Variants in PCGF6 observed in about 807,000 individuals in gnomAD.
The protein encoded by PCGF6 is polycomb group RING finger protein 6.
PCGF6 carries 24 observed loss-of-function variants against 45.5 expected under a neutral mutation model. The observed-to-expected ratio is 0.53, with a 90% CI of 0.38 to 0.74. PCGF6 has a LOEUF of 0.74. PCGF6 is among the 30% of genes least tolerant of loss of function. The pLI is 0.00. For synonymous variants in PCGF6, 152 were observed against 162.1 expected, an observed-to-expected ratio of 0.94 and a Z score of 0.47; for missense variants, 356 against 443.2, an observed-to-expected ratio of 0.80 and a Z score of 1.77.
At chr10:103,327,611 T>C (rs1477904676) in intron 7 of PCGF6, among the ~76,000 whole-genome samples, 1 of 152,154 alleles carries the variant, frequency 6.6e-6, no homozygotes, top group African/African-American at 2.4e-5. Context: ...GAGTTCATTA[T>C]ACTATTCTGC....
chr10:103,332,568 A>C (rs74154321), intron 7 of PCGF6, among the ~76,000 whole-genome samples: 38 of 151,910 alleles, frequency 2.5e-4, no homozygotes, highest in African/African-American at 8.7e-4. Context: ...GAGCCAACGA[A>C]CCCGGCCTAA....
Position 103,303,913 on chromosome 10 carries a change from T to G in PCGF6, c.1045A>C (p.Ile349Leu). The G allele has an allele frequency of 6.2e-7, 1 of 1,612,592 alleles. No homozygotes were observed. The highest frequency in any genetic ancestry group is 1.7e-4 in the Middle Eastern group (1 of 6,056). The change falls in exon 10 of 10, where the codon ATA becomes CTA. Residue 349 changes from isoleucine (I) to leucine (L), a missense_variant. Physicochemically the swap from Ile to Leu is conservative, Grantham distance 5. This residue lies in a region of PCGF6 where 49 missense variants were observed against 93.0 expected (regional missense o/e 0.53). Coordinates refer to ENST00000369847, the MANE Select transcript of PCGF6 (RefSeq NM_001011663.2). ...HYGLVVSPLK[I>L]T ...TAATGTGCCTAGAATCTTCAAGTTA[T>G]CTTCAGAGGAGAAACCACAAGACCA...
Position 103,303,918 on chromosome 10 carries a change from A to G in PCGF6, c.1040T>C (p.Leu347Pro). Residue 347 changes from leucine (L) to proline (P), a missense_variant, in exon 10 of 10, where the codon CTG (leucine) becomes CCG (proline). This residue lies in a region of PCGF6 where 49 missense variants were observed against 93.0 expected (regional missense o/e 0.53). Transcript: ENST00000369847. The stretch of plus-strand genomic sequence containing the variant: ...TGCCTAGAATCTTCAAGTTATCTTC[A>G]GAGGAGAAACCACAAGACCATAATG... ...VLHYGLVVSP[L>P]KIT 1 of 1,613,356 alleles carries G rather than the reference A, an allele frequency of 6.2e-7. No individual in the cohort carries two copies. The highest frequency in any genetic ancestry group is 2.2e-5 in the East Asian group (1 of 44,868).
intron 7 of PCGF6, 93 bp downstream of exon 7, chr10:103,333,828 AACTT>A: frequency 2.5e-6 from 2 of 800,728 alleles, no homozygotes; most frequent in Non-Finnish European, 3.8e-6. Context: ...ATATTTAAAT[AACTT>A]ATTTATACAA....
chr10:103,342,686 C>T (rs1048797213), intron 6 of PCGF6, among the ~76,000 whole-genome samples: 2 of 152,280 alleles, frequency 1.3e-5, no homozygotes, highest in South Asian at 2.1e-4. Context: ...CCACTTAATA[C>T]ATCTTGGAGA....
intron 3 of PCGF6, 39 bp from the exon 4 acceptor site, chr10:103,347,489 G>A (rs1369229417): frequency 6.6e-7 from 1 of 1,517,250 alleles, no homozygotes; most frequent in Admixed American, 1.8e-5. Flanking sequence ...TCAGAATTCA[G>A]AAAAATGCAT....
chr10:103,345,251 A>C, intron 5 of PCGF6, 119 bp from the exon 6 acceptor site: 2 of 691,154 alleles, frequency 2.9e-6, no homozygotes, highest in Non-Finnish European at 4.7e-6. Context: ...TAAACCACTC[A>C]ATCTCCCTGT....
intron 8 of PCGF6, among the ~76,000 whole-genome samples, chr10:103,316,177 A>C (rs933938765): frequency 6.6e-6 from 1 of 152,062 alleles, no homozygotes; most frequent in Non-Finnish European, 1.5e-5. Context: ...CATGCAATCA[A>C]TTACAAAGTC....
chr10:103,322,470 T>C (rs1306534659), intron 8 of PCGF6, among the ~76,000 whole-genome samples: 1 of 151,480 alleles, frequency 6.6e-6, no homozygotes, highest in African/African-American at 2.4e-5. Context: ...CCTCCCAAAG[T>C]GCTGGGATTA....
chr10:103,342,860 A>G (rs2093285921), intron 6 of PCGF6, among the ~76,000 whole-genome samples: 2 of 152,282 alleles, frequency 1.3e-5, no homozygotes, highest in Admixed American at 6.5e-5. Context: ...AATTTTTCCA[A>G]AGGGATCTTT....
chr10:103,316,986 G>A (rs2093178288), intron 8 of PCGF6, among the ~76,000 whole-genome samples: 1 of 151,952 alleles, frequency 6.6e-6, no homozygotes, highest in Non-Finnish European at 1.5e-5. Flanking sequence ...AAAGAATTTG[G>A]TACCATCATT....
chr10:103,331,007 A>G (rs1015677828), intron 7 of PCGF6, among the ~76,000 whole-genome samples: 10 of 152,100 alleles, frequency 6.6e-5, no homozygotes, highest in African/African-American at 9.7e-5. Flanking sequence ...GACAACCACT[A>G]ATCTGCTTTC....
chr10:103,332,111 C>T (rs2093242263), intron 7 of PCGF6, among the ~76,000 whole-genome samples: 1 of 152,000 alleles, frequency 6.6e-6, no homozygotes, highest in Non-Finnish European at 1.5e-5. Flanking sequence ...TCTGTGTCCC[C>T]TGTATTTCTT....
At chr10:103,350,531 C>G (rs377577221) in intron 1 of PCGF6, among the ~76,000 whole-genome samples, 176 bp downstream of exon 1, 2 of 152,180 alleles carry the variant, frequency 1.3e-5, no homozygotes, top group Non-Finnish European at 2.9e-5. Flanking sequence ...CAGGCCGGGC[C>G]GGAGGCCTGT....
rs1474734269 is a variant in PCGF6, at chr10:103,343,292, C to T, written c.782+1732G>A. On this transcript the variant is annotated intron_variant, in intron 6 of 9. Transcript: ENST00000369847. Reference sequence around the variant, plus strand: ...ATACAAGGAGATAAATACAATAAAGCACACACTAGATAATAAATGATACAA... The same window carrying T: ...ATACAAGGAGATAAATACAATAAAGTACACACTAGATAATAAATGATACAA... 3.3e-5 allele frequency among the ~76,000 whole-genome samples: 5 copies of T among 151,482 alleles called. No individual in the cohort carries two copies. In the Admixed American group the frequency reaches 3.3e-4, roughly 10 times the overall value.
At chr10:103,343,165 T>C (rs1015904864) in intron 6 of PCGF6, among the ~76,000 whole-genome samples, 16 of 152,050 alleles carry the variant, frequency 1.1e-4, no homozygotes, top group African/African-American at 3.9e-4. Flanking sequence ...TCTGACCTCA[T>C]GATCCGCCCG....
intron 6 of PCGF6, among the ~76,000 whole-genome samples, chr10:103,335,366 ATTT>A (rs774656906): frequency 7.2e-6 from 1 of 138,220 alleles, no homozygotes. Context: ...CAAAGCACTC[ATTT>A]TTTTTTTTTT....
At chr10:103,348,042 GAAT>G (rs2093306110) in intron 3 of PCGF6, among the ~76,000 whole-genome samples, 1 of 152,066 alleles carries the variant, frequency 6.6e-6, no homozygotes, top group Non-Finnish European at 1.5e-5. Flanking sequence ...CTGGAAATTT[GAAT>G]AATAAGCCAC....
At chr10:103,310,403 G>A (rs974177397) in intron 9 of PCGF6, among the ~76,000 whole-genome samples, 11 of 152,292 alleles carry the variant, frequency 7.2e-5, no homozygotes, top group African/African-American at 2.4e-4. Flanking sequence ...GAAAGGTTCT[G>A]TATGTGAAGG....
Sources: allele counts gnomAD v4.1 joint callset (sites outside exome capture counted in the v4.1 genomes callset), GRCh38; gene constraint gnomAD v4.1.1; regional missense constraint gnomAD v4.1.1; transcripts MANE v1.5; gene names NCBI Gene and HGNC (gene_info 2026-07-23, HGNC 2026-07-21).